AEBP2: variants seen among roughly 807,000 people sequenced by gnomAD.
AEBP2 encodes the protein AE binding protein 2.
AEBP2 carries 10 observed loss-of-function variants against 50.8 expected under a neutral mutation model. The ratio of observed to expected loss-of-function variants is 0.20; its 90% CI spans 0.12 to 0.33. The LOEUF is 0.33. Among genes scored for constraint, AEBP2 ranks in the 10% least tolerant of loss-of-function variants. The pLI is 1.00. For synonymous variants in AEBP2, 296 were observed against 261.3 expected (o/e 1.13, Z -1.28); for missense variants, 570 against 688.0 (o/e 0.83, Z 1.92).
chr12:19,451,199 C>G (rs73071053), intron 1 of AEBP2, among the ~76,000 whole-genome samples: 1 of 152,166 alleles, frequency 6.6e-6, no homozygotes, highest in Non-Finnish European at 1.5e-5. Context: ...ACTTATGAAT[C>G]TATGATTTGG....
chr12:19,496,773 C>T (rs958116969), intron 4 of AEBP2, among the ~76,000 whole-genome samples: 2 of 151,204 alleles, frequency 1.3e-5, no homozygotes. Context: ...GTGATTCTCC[C>T]ACCTCAGCCT....
intron 1 of AEBP2, 187 bp downstream of exon 1, chr12:19,440,557 C>T (rs1220141496): frequency 7.9e-6 from 11 of 1,389,746 alleles, no homozygotes; most frequent in Admixed American, 5.8e-5. Context: ...ATCGCGGCTT[C>T]CAACTCTCAA....
chr12:19,418,189 G>A (rs746364548), intron 1 of AEBP2, among the ~76,000 whole-genome samples: 20 of 151,926 alleles, frequency 1.3e-4, no homozygotes, highest in Non-Finnish European at 1.9e-4. Context: ...ACCCCTTATC[G>A]TAACTGAGAC....
chr12:19,509,255 A>C, intron 5 of AEBP2: 1 of 298,016 alleles, frequency 3.4e-6, no homozygotes, highest in Non-Finnish European at 6.6e-6. Context: ...GCTAAATTGA[A>C]AAATGCAACT....
chr12:19,439,650 G>T lies in AEBP2; in HGVS notation c.-50G>T. The T allele has an allele frequency of 6.7e-7, 1 of 1,496,398 alleles. No homozygotes were observed. The highest frequency in any genetic ancestry group is 8.8e-7 in the Non-Finnish European group (1 of 1,130,832). The allele number at this position is 1,496,398 out of a possible 1,614,324, so 92.7% of individuals were successfully genotyped here. ...GGGGGCGAGGGAGAGAGAGTCGAGA[G>T]AGGGAGGCGGCGGTGGGGAGGAGGA... On this transcript the variant is annotated 5_prime_UTR_variant, in exon 1 of 8. Transcript: ENST00000266508.
intron 1 of AEBP2, among the ~76,000 whole-genome samples, chr12:19,450,271 C>G (rs1948143702): frequency 2.0e-5 from 3 of 151,906 alleles, no homozygotes; most frequent in African/African-American, 2.4e-5. Flanking sequence ...TTGTTAGGCT[C>G]AAATCTGTTT....
chr12:19,485,591 C>A (rs764215146), intron 3 of AEBP2, among the ~76,000 whole-genome samples: 4 of 151,656 alleles, frequency 2.6e-5, no homozygotes, highest in African/African-American at 9.7e-5. Context: ...TACCTGTAGA[C>A]CCACCTACTC....
At chr12:19,486,135 TCTC>T (rs1948806195) in intron 3 of AEBP2, among the ~76,000 whole-genome samples, 1 of 152,120 alleles carries the variant, frequency 6.6e-6, no homozygotes, top group Admixed American at 6.6e-5. Flanking sequence ...GTCTATCTCT[TCTC>T]CTGCCCTCCA....
At position 19,473,385 on chromosome 12, in the gene AEBP2, A is replaced by G. The variant is rs752549686; in HGVS notation, c.987+30A>G. The stretch of plus-strand genomic sequence containing the variant: ...GGATGCATGTATATAAAATTTATTT[A>G]TTTATTTATTTATTTATTTATTTAT... On this transcript the variant is annotated intron_variant, in intron 3 of 7. Coordinates refer to ENST00000266508, the MANE Select transcript of AEBP2 (RefSeq NM_153207.5). 4.1e-5 allele frequency: 20 copies of G among 483,788 alleles called. 1 individual carries two copies. Among genetic ancestry groups the G allele is most frequent in the Admixed American group, 7.1e-5 (1 of 14,022 alleles). The allele number at this position is 483,788 out of a possible 1,614,324, so 30.0% of individuals were successfully genotyped here.
intron 3 of AEBP2, among the ~76,000 whole-genome samples, chr12:19,493,376 G>T (rs1284139027): frequency 2.0e-5 from 3 of 152,132 alleles, no homozygotes; most frequent in African/African-American, 7.2e-5. Context: ...ATCCCAGCCT[G>T]GGCAATAACA....
chr12:19,405,968 G>GTTTTT, intron 1 of AEBP2, among the ~76,000 whole-genome samples: 1 of 129,780 alleles, frequency 7.7e-6, no homozygotes. Context: ...TGCCTGGCCA[G>GTTTTT]TTTTTTTTTT....
intron 2 of AEBP2, chr12:19,466,765 G>C (rs1948483936): frequency 1.0e-6 from 1 of 981,290 alleles, no homozygotes; most frequent in South Asian, 4.7e-5. Context: ...GTGTCATCAT[G>C]GAACAGAAAC....
At chr12:19,421,939 C>G (rs897960844) in intron 1 of AEBP2, among the ~76,000 whole-genome samples, 8 of 152,064 alleles carry the variant, frequency 5.3e-5, no homozygotes, top group Non-Finnish European at 1.2e-4. Context: ...CACAGGAGTT[C>G]GAGACTAGCT....
At chr12:19,480,934 G>A (rs929695661) in intron 3 of AEBP2, among the ~76,000 whole-genome samples, 7 of 151,916 alleles carry the variant, frequency 4.6e-5, no homozygotes, top group Admixed American at 1.3e-4. Flanking sequence ...TTATTCTTAG[G>A]TTTGGTTGTT....
chr12:19,446,465 C>T (rs371331065), intron 1 of AEBP2, among the ~76,000 whole-genome samples: 139 of 152,252 alleles, frequency 9.1e-4, no homozygotes, highest in African/African-American at 3.2e-3. Flanking sequence ...CACGGTAGCT[C>T]ACGCCTGTAA....
Position 19,518,410 on chromosome 12 carries a change from GGCTTTGCAT to G in AEBP2, c.*298_*306del. On this transcript the variant is annotated 3_prime_UTR_variant, in exon 8 of 8. Coordinates refer to ENST00000266508, the MANE Select transcript of AEBP2 (RefSeq NM_153207.5). The stretch of plus-strand genomic sequence containing the variant: ...CAACTTAGTAGAACAGCTTCTTAAA[GGCTTTGCAT>G]GCTTGCTGCTTTAAGCTGCTTTTTT... 1 of 1,229,178 alleles carries G rather than the reference GGCTTTGCAT, an allele frequency of 8.1e-7. No individual in the cohort carries two copies. Among genetic ancestry groups the G allele is most frequent in the Non-Finnish European group, 1.0e-6 (1 of 984,348 alleles). The allele number at this position is 1,229,178 out of a possible 1,614,324, so 76.1% of individuals were successfully genotyped here.
intron 6 of AEBP2, among the ~76,000 whole-genome samples, chr12:19,513,387 A>G (rs1256755066): frequency 1.3e-5 from 2 of 152,164 alleles, no homozygotes; most frequent in Non-Finnish European, 2.9e-5. Flanking sequence ...TTATAGACAT[A>G]TTGGACAAAA....
At position 19,507,845 on chromosome 12, in the gene AEBP2, A is replaced by AG. The variant is rs1592780817; in HGVS notation, c.1300-4553_1300-4552insG. 3.9e-5 allele frequency among the ~76,000 whole-genome samples: 6 copies of AG among 152,354 alleles called. No homozygotes were observed. The East Asian group carries it at 1.2e-3, about 29-fold the overall frequency. ...GAATCAATTCTGTTAGTAGTAAAAA[A>AG]CATTCAGTACTAACTGCAAATTTAA... On this transcript the variant is annotated intron_variant, in intron 5 of 7. Transcript: ENST00000266508.
chr12:19,490,532 A>G (rs1241384416), intron 3 of AEBP2, among the ~76,000 whole-genome samples: 1 of 151,630 alleles, frequency 6.6e-6, no homozygotes, highest in Admixed American at 6.6e-5. Context: ...TTGTGCCACC[A>G]TGCCCGGCTA....
Sources: gnomAD v4.1 joint callset for allele counts (sites outside exome capture counted in the v4.1 genomes callset) on GRCh38, gnomAD v4.1.1 for gene constraint, MANE v1.5 for transcripts, NCBI Gene and HGNC (gene_info 2026-07-23, HGNC 2026-07-21) for gene names.